The following PDE4D variants were observed in gnomAD, a reference collection of about 807,000 sequenced individuals.
PDE4D encodes phosphodiesterase 4D, also known as 3',5'-cyclic-AMP phosphodiesterase 4D.
Under a neutral mutation model 87.4 loss-of-function variants are expected in PDE4D, and 24 were observed. The ratio of observed to expected loss-of-function variants is 0.27; its 90% confidence interval spans 0.20 to 0.39. The LOEUF (loss-of-function observed/expected upper bound fraction) is 0.39. PDE4D is among the 10% of genes least tolerant of loss of function. The pLI is 1.00. For missense variants in PDE4D, 714 were observed against 1,041.0 expected, an observed-to-expected ratio of 0.69 and a Z score of 4.32; for synonymous variants, 384 against 383.2, an observed-to-expected ratio of 1.00 and a Z score of -0.02.
At chr5:60,239,971 C>T (rs1005611160) in intron 1 of PDE4D, among the ~76,000 whole-genome samples, 9 of 152,010 alleles carry the variant, frequency 5.9e-5, no homozygotes, top group African/African-American at 2.2e-4. Context: ...TAAGCAGAAC[C>T]CGAAGTCATT....
intron 1 of PDE4D, among the ~76,000 whole-genome samples, chr5:60,408,581 G>A (rs905044588): frequency 5.3e-5 from 8 of 152,116 alleles, no homozygotes; most frequent in African/African-American, 1.9e-4. Context: ...ATATGCAAAT[G>A]GAGGGCCTGT....
intron 1 of PDE4D, among the ~76,000 whole-genome samples, chr5:60,477,251 G>A (rs2150208196): frequency 6.6e-6 from 1 of 152,244 alleles, no homozygotes; most frequent in South Asian, 2.1e-4. Context: ...GCAGAATAGA[G>A]CTCAGGGATA....
intron 6 of PDE4D, among the ~76,000 whole-genome samples, chr5:59,022,534 A>G (rs950025310): frequency 1.3e-5 from 2 of 152,082 alleles, no homozygotes; most frequent in Non-Finnish European, 2.9e-5. Context: ...AGTTTATCCT[A>G]TATCTTCTCT....
At chr5:60,468,138 T>TTTTTTTTTG (rs1561288669) in intron 1 of PDE4D, among the ~76,000 whole-genome samples, 5 of 70,902 alleles carry the variant, frequency 7.1e-5, no homozygotes, top group South Asian at 7.4e-4. Flanking sequence ...TTCTTTTTTC[T>TTTTTTTTTG]TTTTTTTTTG....
intron 1 of PDE4D, among the ~76,000 whole-genome samples, chr5:60,518,152 A>G (rs1274407083): frequency 6.6e-6 from 1 of 152,230 alleles, no homozygotes; most frequent in East Asian, 1.9e-4. Context: ...GCCCTGCTTC[A>G]GCTGGCATGA....
chr5:60,303,310 T>C (rs1426137569), intron 1 of PDE4D, among the ~76,000 whole-genome samples: 1 of 148,744 alleles, frequency 6.7e-6, no homozygotes, highest in Non-Finnish European at 1.5e-5. Flanking sequence ...TGGATTTCTT[T>C]TTTTTTTTTT....
At chr5:60,423,453 A>G (rs1743327832) in intron 1 of PDE4D, among the ~76,000 whole-genome samples, 1 of 152,272 alleles carries the variant, frequency 6.6e-6, no homozygotes, top group Non-Finnish European at 1.5e-5. Context: ...TACTGGGTAC[A>G]TAATGAAATG....
At chr5:59,842,407 A>C (rs918421203) in intron 1 of PDE4D, among the ~76,000 whole-genome samples, 3 of 152,060 alleles carry the variant, frequency 2.0e-5, no homozygotes, top group African/African-American at 7.2e-5. Context: ...ACTGCCCTAG[A>C]AAAAGTACCA....
Position 59,784,389 on chromosome 5 carries a change from C to A in PDE4D, c.455+108779G>T, listed in dbSNP as rs1417954685. On this transcript the variant is annotated intron_variant, in intron 1 of 14. Coordinates refer to ENST00000340635, the MANE Select transcript of PDE4D (RefSeq NM_001104631.2). ...AGGCAGAATGGGTTCAAATTCCTCT[C>A]AATTCTTTCTGATTGAATGAAAAGT... 2.0e-5 allele frequency among the ~76,000 whole-genome samples: 3 copies of A among 152,082 alleles called. No individual in the cohort carries two copies. The East Asian group carries it at 5.8e-4, about 29-fold the overall frequency.
intron 1 of PDE4D, among the ~76,000 whole-genome samples, chr5:59,277,152 A>G (rs539928582): frequency 2.0e-5 from 3 of 152,120 alleles, no homozygotes; most frequent in Admixed American, 2.0e-4. Context: ...CACCCAAACA[A>G]CTTGGAAAAT....
At chr5:59,927,003 T>C (rs922049122) in intron 3 of PDE4D, among the ~76,000 whole-genome samples, 1 of 152,300 alleles carries the variant, frequency 6.6e-6, no homozygotes, top group Non-Finnish European at 1.5e-5. Context: ...AGAGAATACT[T>C]CCAAACACAT....
chr5:59,048,887 C>T (rs920414481), intron 5 of PDE4D, among the ~76,000 whole-genome samples: 3 of 152,130 alleles, frequency 2.0e-5, no homozygotes, highest in African/African-American at 7.2e-5. Context: ...TAATGGTCTA[C>T]TACTGGATCT....
At chr5:59,524,460 G>T (rs915007858) in intron 1 of PDE4D, among the ~76,000 whole-genome samples, 10 of 152,142 alleles carry the variant, frequency 6.6e-5, no homozygotes, top group African/African-American at 2.4e-4. Flanking sequence ...GAATTAGAGA[G>T]ATGATTTAGA....
chr5:59,615,097 T>A (rs892322690), intron 1 of PDE4D, among the ~76,000 whole-genome samples: 1 of 152,200 alleles, frequency 6.6e-6, no homozygotes, highest in African/African-American at 2.4e-5. Flanking sequence ...CCCAAACTGC[T>A]GGGATTACAG....
intron 1 of PDE4D, among the ~76,000 whole-genome samples, chr5:60,259,597 A>G (rs1383877505): frequency 2.6e-5 from 4 of 152,186 alleles, no homozygotes; most frequent in South Asian, 2.1e-4. Context: ...CATCTTGACT[A>G]CAGTTTCCAC....
At chr5:59,817,187 G>A (rs1430126950) in intron 1 of PDE4D, among the ~76,000 whole-genome samples, 1 of 152,192 alleles carries the variant, frequency 6.6e-6, no homozygotes, top group Non-Finnish European at 1.5e-5. Context: ...AGTAGCTAAA[G>A]GTGGCTCAGG....
rs1561242280 is a variant in PDE4D at position 59,574,140 on chromosome 5, ATATAAATATATATT to A, written c.455+319014_455+319027del. Among the ~76,000 whole-genome samples, 13 of 4,080 alleles carry A rather than the reference ATATAAATATATATT, an allele frequency of 3.2e-3. 1 individual carries two copies. The highest frequency in any genetic ancestry group is 6.1e-3 in the African/African-American group (13 of 2,134). 2.7% of individuals were successfully genotyped at this position (4,080 alleles called of 152,430 possible). On this transcript the variant is annotated intron_variant, in intron 1 of 14. Coordinates refer to ENST00000340635, the MANE Select transcript of PDE4D (RefSeq NM_001104631.2). Reference sequence around the variant, plus strand: ...TATAAATATATATTTATATATATATATATAAATATATATTTATATATATATATATATAAATATCT... The same window carrying A: ...TATAAATATATATTTATATATATATATATATATATATATATATAAATATCT...
intron 3 of PDE4D, among the ~76,000 whole-genome samples, chr5:59,950,771 T>G (rs1758208771): frequency 6.6e-6 from 1 of 152,120 alleles, no homozygotes. Context: ...AGAAATTGGT[T>G]TTATTACTGT....
At chr5:59,844,017 A>C (rs542791918) in intron 1 of PDE4D, among the ~76,000 whole-genome samples, 1 of 152,174 alleles carries the variant, frequency 6.6e-6, no homozygotes, top group South Asian at 2.1e-4. Context: ...TGTTATACTC[A>C]CCACCCTTGG....
Sources: allele counts gnomAD v4.1 joint callset (sites outside exome capture counted in the v4.1 genomes callset), GRCh38; gene constraint gnomAD v4.1.1; transcripts MANE v1.5; gene names NCBI Gene and HGNC (gene_info 2026-07-23, HGNC 2026-07-21).